The following PPIL1 variants were observed in gnomAD, a reference collection of about 807,000 sequenced individuals.
PPIL1 encodes the protein peptidyl-prolyl cis-trans isomerase-like 1.
A neutral mutation model predicts 19.4 loss-of-function variants in PPIL1; 14 were observed. The ratio of observed to expected loss-of-function variants is 0.72; its 90% CI spans 0.48 to 1.13. The LOEUF (loss-of-function observed/expected upper bound fraction) is 1.13, where lower values mean the gene tolerates loss of function less well. Ranked by LOEUF, PPIL1 falls within the 50% of genes most tolerant of loss-of-function variation. PPIL1 has a pLI of 0.00. For missense variants in PPIL1, 192 were observed against 218.0 expected, an observed-to-expected ratio of 0.88 and a Z score of 0.75; for synonymous variants, 72 against 73.6, an observed-to-expected ratio of 0.98 and a Z score of 0.11.
At position 36,862,504 on chromosome 6, in the gene PPIL1, T is replaced by A. The variant is rs3778018; in HGVS notation, c.212-5850A>T. 3.5e-3 allele frequency among the ~76,000 whole-genome samples: 530 copies of A among 152,340 alleles called. 31 individuals carry two copies. In the East Asian group the frequency reaches 0.095, roughly 27 times the overall value. The stretch of plus-strand genomic sequence containing the variant: ...GTCAAGCTTCTGAGAAAGCTACAGC[T>A]TTCCTGATAAAAACAGACATACTCT... On this transcript the variant is annotated intron_variant, in intron 2 of 3. Coordinates refer to ENST00000373699, the MANE Select transcript of PPIL1 (RefSeq NM_016059.5).
At chr6:36,860,723 T>C (rs937080624) in intron 2 of PPIL1, among the ~76,000 whole-genome samples, 6 of 151,426 alleles carry the variant, frequency 4.0e-5, no homozygotes, top group African/African-American at 1.5e-4. Context: ...AATTTGGCAT[T>C]TCCATGCATT....
chr6:36,869,141 T>C (rs1049384446), intron 2 of PPIL1, among the ~76,000 whole-genome samples: 1 of 152,054 alleles, frequency 6.6e-6, no homozygotes, highest in Non-Finnish European at 1.5e-5. Context: ...TATGCGACCA[T>C]GCCCAGCTAA....
At chr6:36,869,368 A>G (rs1774461931) in intron 2 of PPIL1, among the ~76,000 whole-genome samples, 2 of 152,200 alleles carry the variant, frequency 1.3e-5, no homozygotes, top group Admixed American at 6.5e-5. Flanking sequence ...ATTTGGTGAG[A>G]GCCTTCTTGC....
intron 2 of PPIL1, among the ~76,000 whole-genome samples, chr6:36,862,909 C>A (rs371587644): frequency 6.6e-6 from 1 of 152,218 alleles, no homozygotes; most frequent in Non-Finnish European, 1.5e-5. Context: ...CTCTTTCTCA[C>A]TTGCCTTTGG....
intron 1 of PPIL1, 93 bp downstream of exon 1, chr6:36,874,624 G>C: frequency 6.6e-7 from 1 of 1,519,050 alleles, no homozygotes; most frequent in Non-Finnish European, 9.1e-7. Context: ...GTGGAGGCCG[G>C]CCTCCCGGAG....
At chr6:36,860,733 TTTC>T (rs1263606748) in intron 2 of PPIL1, among the ~76,000 whole-genome samples, 1 of 151,130 alleles carries the variant, frequency 6.6e-6, no homozygotes, top group African/African-American at 2.4e-5. Context: ...TTCCATGCAT[TTTC>T]TTTTTTACTA....
intron 2 of PPIL1, among the ~76,000 whole-genome samples, chr6:36,859,811 TTGTGTGTGTGTGTGTGTGTG>T (rs71880744): frequency 6.9e-6 from 1 of 144,886 alleles, no homozygotes; most frequent in African/African-American, 2.6e-5. Context: ...CTGTTTTCTA[TTGTGTGTGTGTGTGTGTGTG>T]TGTGTGTGTG....
intron 2 of PPIL1, among the ~76,000 whole-genome samples, chr6:36,860,802 T>G (rs1774272061): frequency 6.6e-6 from 1 of 152,022 alleles, no homozygotes; most frequent in African/African-American, 2.4e-5. Flanking sequence ...TTTGCATGTT[T>G]TTAAGCTTTT....
intron 2 of PPIL1, among the ~76,000 whole-genome samples, chr6:36,862,303 A>C (rs1352883528): frequency 2.0e-5 from 3 of 152,194 alleles, no homozygotes; most frequent in Non-Finnish European, 4.4e-5. Flanking sequence ...TCTTCTGGCA[A>C]GAGTGCCTCT....
In PPIL1 at chr6:36,861,636, A is replaced by G. The variant is rs141755629; in HGVS notation, c.212-4982T>C. The stretch of plus-strand genomic sequence containing the variant: ...GTAATGGGATCTTCCAATGAACAGA[A>G]CCTTTGCAGTTAACATTTCTTAACC... On this transcript the variant is annotated intron_variant, in intron 2 of 3. Transcript: ENST00000373699. Among the ~76,000 whole-genome samples, 16 of 150,192 alleles carry G rather than the reference A, an allele frequency of 1.1e-4. 1 individual carries two copies. The East Asian group carries it at 3.1e-3, about 29-fold the overall frequency.
intron 2 of PPIL1, among the ~76,000 whole-genome samples, chr6:36,861,998 T>C (rs548465517): frequency 6.6e-6 from 1 of 152,170 alleles, no homozygotes; most frequent in African/African-American, 2.4e-5. Context: ...GCCTGGCCTG[T>C]GTTGTTTCTT....
intron 1 of PPIL1, among the ~76,000 whole-genome samples, chr6:36,873,253 C>G (rs1232144206): frequency 6.6e-6 from 1 of 152,082 alleles, no homozygotes; most frequent in African/African-American, 2.4e-5. Flanking sequence ...ACAAAAGTGC[C>G]TAAGGATACA....
intron 2 of PPIL1, among the ~76,000 whole-genome samples, chr6:36,870,563 A>G (rs552415006): frequency 1.3e-5 from 2 of 152,278 alleles, no homozygotes; most frequent in Non-Finnish European, 2.9e-5. Flanking sequence ...AACTATTTAC[A>G]TAGTGTTTAC....
Position 36,871,798 on chromosome 6 carries a change from C to T in PPIL1, c.131G>A (p.Arg44His), listed in dbSNP as rs1214332761. 10 of 1,611,408 alleles carry T rather than the reference C, an allele frequency of 6.2e-6. No homozygotes were observed. Among genetic ancestry groups the T allele is most frequent in the South Asian group, 4.4e-5 (4 of 90,408 alleles). Residue 44 changes from arginine (R) to histidine (H), a missense_variant, in exon 2 of 4, where the codon CGT becomes CAT. Arg to His is a conservative substitution (Grantham distance 29). Coordinates refer to ENST00000373699, the MANE Select transcript of PPIL1 (RefSeq NM_016059.5). ...TTTTGTGCCATTGTAGTAACCTCGA[C>T]GAGCCAACTCAGCAAAGTTCTTACA... ...KTCKNFAELA[R>H]RGYYNGTKFH...
Position 36,871,842 on chromosome 6 carries a change from C to G in PPIL1, c.87G>C (p.Trp29Cys). 6.2e-7 allele frequency: 1 copy of G among 1,606,232 alleles called. No individual in the cohort carries two copies. Among genetic ancestry groups the G allele is most frequent in the South Asian group, 1.1e-5 (1 of 89,098 alleles). Residue 29 changes from tryptophan to cysteine, a missense_variant, in exon 2 of 4, where the codon TGG (tryptophan) becomes TGC (cysteine). Physicochemically the swap from Trp to Cys is radical, Grantham distance 215 (BLOSUM62 -2). Coordinates refer to ENST00000373699, the MANE Select transcript of PPIL1 (RefSeq NM_016059.5). ...SMGIIVLELY[W>C]KHAPKTCKNF... is the part of the protein sequence containing the mutation. ...TCTTACAGGTCTTTGGAGCATGCTT[C>G]CAGTACAGCTCCAGCACAATGATTC...
chr6:36,861,296 C>A (rs1459965811), intron 2 of PPIL1, among the ~76,000 whole-genome samples: 1 of 152,166 alleles, frequency 6.6e-6, no homozygotes, highest in Non-Finnish European at 1.5e-5. Context: ...AACTGCATTT[C>A]TCTGAAGTTT....
At chr6:36,869,188 C>T (rs993961629) in intron 2 of PPIL1, among the ~76,000 whole-genome samples, 2 of 152,046 alleles carry the variant, frequency 1.3e-5, no homozygotes, top group Non-Finnish European at 1.5e-5. Context: ...CTCACTATGT[C>T]GCCCAGGCTG....
At chr6:36,866,488 A>G (rs1333599072) in intron 2 of PPIL1, among the ~76,000 whole-genome samples, 2 of 152,016 alleles carry the variant, frequency 1.3e-5, no homozygotes, top group East Asian at 3.9e-4. Flanking sequence ...TCCACCATAG[A>G]CCTGCCAGTG....
chr6:36,864,652 T>A (rs1774360066), intron 2 of PPIL1, among the ~76,000 whole-genome samples: 1 of 151,956 alleles, frequency 6.6e-6, no homozygotes, highest in African/African-American at 2.4e-5. Context: ...TCACACTGAG[T>A]GGTTCTATCA....
Sources: allele counts gnomAD v4.1 joint callset (sites outside exome capture counted in the v4.1 genomes callset), GRCh38; gene constraint gnomAD v4.1.1; transcripts MANE v1.5; gene names NCBI Gene and HGNC (gene_info 2026-07-23, HGNC 2026-07-21).